The following ATP10D variants were observed in gnomAD, a reference collection of about 807,000 sequenced individuals.
ATP10D encodes the protein phospholipid-transporting ATPase VD.
In ATP10D, 89 loss-of-function variants were observed where a neutral mutation model predicts 144.8. That is an observed-to-expected ratio of 0.61 (90% CI 0.52 to 0.73). The LOEUF (loss-of-function observed/expected upper bound fraction) is 0.73. Among genes scored for constraint, ATP10D ranks in the 30% least tolerant of loss-of-function variants. The pLI is 0.00. For missense variants in ATP10D, 1,603 were observed against 1,714.8 expected (o/e 0.93, Z 1.15); for synonymous variants, 571 against 615.1 (o/e 0.93, Z 1.06).
intron 6 of ATP10D, 83 bp downstream of exon 6, chr4:47,535,698 G>T: frequency 6.9e-7 from 1 of 1,457,540 alleles, no homozygotes; most frequent in Non-Finnish European, 9.3e-7. Context: ...AATGCAATCT[G>T]TTGAAGCAGA....
At chr4:47,485,881 G>A (rs1480031830) in intron 1 of ATP10D, among the ~76,000 whole-genome samples, 1 of 142,164 alleles carries the variant, frequency 7.0e-6, no homozygotes, top group African/African-American at 2.6e-5. Context: ...GCACACACAC[G>A]CATTCACACA....
At chr4:47,525,229 A>G (rs1245977558) in intron 4 of ATP10D, among the ~76,000 whole-genome samples, 1 of 152,204 alleles carries the variant, frequency 6.6e-6, no homozygotes, top group African/African-American at 2.4e-5. Flanking sequence ...GACCAACAAC[A>G]AAAGTATTTT....
intron 16 of ATP10D, 70 bp downstream of exon 16, chr4:47,569,216 T>A: frequency 6.6e-7 from 1 of 1,507,362 alleles, no homozygotes; most frequent in Middle Eastern, 2.4e-4. Context: ...TCCTTCTGTC[T>A]CTTTCTTCTC....
intron 10 of ATP10D, chr4:47,547,070 A>G (rs1235731210): frequency 1.7e-6 from 1 of 580,298 alleles, no homozygotes; most frequent in East Asian, 2.9e-5. Flanking sequence ...CTCAATGTTG[A>G]GAGGTAGTAT....
At chr4:47,507,200 T>A (rs1716061378) in intron 1 of ATP10D, among the ~76,000 whole-genome samples, 1 of 152,184 alleles carries the variant, frequency 6.6e-6, no homozygotes, top group Non-Finnish European at 1.5e-5. Context: ...GAGAGAACAC[T>A]TTGTAAAAAG....
At chr4:47,542,085 A>G (rs1718162448) in intron 9 of ATP10D, among the ~76,000 whole-genome samples, 1 of 151,638 alleles carries the variant, frequency 6.6e-6, no homozygotes, top group African/African-American at 2.4e-5. Flanking sequence ...ATTATAATAA[A>G]CCTTTGTTTC....
chr4:47,489,254 C>T (rs1476270292), intron 1 of ATP10D, among the ~76,000 whole-genome samples: 1 of 151,982 alleles, frequency 6.6e-6, no homozygotes, highest in Non-Finnish European at 1.5e-5. Context: ...CATTAACAAA[C>T]GTGGACAACA....
intron 10 of ATP10D, among the ~76,000 whole-genome samples, chr4:47,551,413 T>G (rs1206113525): frequency 2.0e-5 from 3 of 152,210 alleles, no homozygotes; most frequent in African/African-American, 7.2e-5. Context: ...TGCTCTCTTG[T>G]GAAGTAAAAA....
chr4:47,495,654 T>C (rs1307273585), intron 1 of ATP10D, among the ~76,000 whole-genome samples: 1 of 152,204 alleles, frequency 6.6e-6, no homozygotes, highest in East Asian at 1.9e-4. Context: ...GTTGAGATTA[T>C]ACTTGTATAC....
chr4:47,546,614 T>C lies in ATP10D; in HGVS notation c.1397-10T>C. ...TCAGACATTGACTCAGTGTGCTTTT[T>C]ATCCCACAGCCAGGAGGTTGGAGTC... On this transcript the variant is annotated splice_polypyrimidine_tract_variant and intron_variant, in intron 9 of 22. Transcript: ENST00000273859. 6.2e-7 allele frequency: 1 copy of C among 1,612,618 alleles called. No homozygotes were observed. The highest frequency in any genetic ancestry group is 1.1e-5 in the South Asian group (1 of 91,054).
At chr4:47,512,227 T>G (rs973413081) in intron 1 of ATP10D, among the ~76,000 whole-genome samples, 3 of 152,198 alleles carry the variant, frequency 2.0e-5, no homozygotes, top group Non-Finnish European at 4.4e-5. Flanking sequence ...GTTAAGAGAC[T>G]TGCACAAATT....
In ATP10D at chr4:47,576,778, T is replaced by C. The variant is rs1560455145; in HGVS notation, c.3372T>C (p.Tyr1124=). 1.2e-6 allele frequency: 2 copies of C among 1,613,954 alleles called. No homozygotes were observed. The highest frequency in any genetic ancestry group is 2.2e-5 in the East Asian group (1 of 44,878). Residue 1124 remains tyrosine, a synonymous_variant, in exon 19 of 23, where the codon TAT becomes TAC. Coordinates refer to ENST00000273859, the MANE Select transcript of ATP10D (RefSeq NM_020453.4). ...GTCCTTCTTTGTGTCTCTAGGCCTA[T>C]GTGAACCTCCTTTTCTGGTACCAGT... ...ILYFFYKNVA[Y]VNLLFWYQFF... is the part of the protein sequence containing the mutation.
intron 18 of ATP10D, among the ~76,000 whole-genome samples, chr4:47,575,963 G>A (rs1720212956): frequency 8.7e-6 from 1 of 114,298 alleles, no homozygotes; most frequent in Admixed American, 1.3e-4. Flanking sequence ...ACGGAGTCTC[G>A]CTCTGTCGCC....
intron 20 of ATP10D, among the ~76,000 whole-genome samples, chr4:47,581,366 C>G (rs1720505335): frequency 6.6e-6 from 1 of 152,136 alleles, no homozygotes; most frequent in Admixed American, 6.5e-5. Context: ...TTAATAGAAG[C>G]ACAGTATTAA....
intron 15 of ATP10D, among the ~76,000 whole-genome samples, chr4:47,564,705 A>G (rs557503101): frequency 5.9e-5 from 9 of 152,264 alleles, no homozygotes; most frequent in Non-Finnish European, 7.4e-5. Context: ...TCTAACACCA[A>G]TGTTTAATCA....
chr4:47,542,930 C>A (rs10938490), intron 9 of ATP10D, among the ~76,000 whole-genome samples: 1 of 151,962 alleles, frequency 6.6e-6, no homozygotes, highest in Non-Finnish European at 1.5e-5. Context: ...AGTTGCATGA[C>A]GACTGATTTC....
intron 1 of ATP10D, among the ~76,000 whole-genome samples, chr4:47,511,475 A>G (rs180696807): frequency 0.01 from 1,530 of 152,310 alleles, 102 homozygotes; most frequent in Admixed American, 0.093. Flanking sequence ...AGGCTGAGGC[A>G]TGAGAATTGC....
intron 3 of ATP10D, among the ~76,000 whole-genome samples, chr4:47,522,167 A>G (rs1716976624): frequency 6.6e-6 from 1 of 152,208 alleles, no homozygotes; most frequent in Non-Finnish European, 1.5e-5. Flanking sequence ...ATGACACATG[A>G]CATTCTACTA....
At chr4:47,490,129 C>T (rs10805156) in intron 1 of ATP10D, among the ~76,000 whole-genome samples, 149,802 of 152,324 alleles carry the variant, frequency 0.98, 73,713 homozygotes, top group East Asian at 1. Context: ...ACTACTTAGC[C>T]TGTGTTTTTA....
Sources: allele counts gnomAD v4.1 joint callset (sites outside exome capture counted in the v4.1 genomes callset), GRCh38; gene constraint gnomAD v4.1.1; transcripts MANE v1.5; gene names NCBI Gene and HGNC (gene_info 2026-07-23, HGNC 2026-07-21).